The following SNX3 variants were observed in gnomAD, a reference collection of about 807,000 sequenced individuals.
The protein encoded by SNX3 is sorting nexin-3.
SNX3 carries 5 observed loss-of-function variants against 17.7 expected under a neutral mutation model. The observed-to-expected ratio is 0.28, with a 90% CI of 0.15 to 0.59. The LOEUF (loss-of-function observed/expected upper bound fraction) is 0.59. Among genes scored for constraint, SNX3 ranks in the 20% least tolerant of loss-of-function variants. The pLI, the probability that SNX3 is intolerant of heterozygous loss-of-function variation, is 0.88. For missense variants in SNX3, 132 were observed against 206.8 expected, an observed-to-expected ratio of 0.64 and a Z score of 2.22; for synonymous variants, 91 against 76.5, an observed-to-expected ratio of 1.19 and a Z score of -0.99.
chr6:108,216,678 A>C (rs980408831), intron 2 of SNX3, among the ~76,000 whole-genome samples: 1 of 152,226 alleles, frequency 6.6e-6, no homozygotes. Flanking sequence ...ATATTCAAAA[A>C]AATTAAAACT....
At chr6:108,226,046 CAAA>C (rs35559458) in intron 1 of SNX3, among the ~76,000 whole-genome samples, 18 of 63,224 alleles carry the variant, frequency 2.8e-4, no homozygotes, top group Admixed American at 8.6e-4. Flanking sequence ...CCCTCTCTCT[CAAA>C]AAAAAAAAAA....
At chr6:108,249,303 T>C (rs1323769311) in intron 1 of SNX3, among the ~76,000 whole-genome samples, 4 of 152,160 alleles carry the variant, frequency 2.6e-5, no homozygotes, top group Non-Finnish European at 4.4e-5. Flanking sequence ...GTGCCTGTAA[T>C]CCCAGCTACT....
intron 1 of SNX3, among the ~76,000 whole-genome samples, chr6:108,242,455 A>G (rs945999722): frequency 2.6e-5 from 4 of 152,202 alleles, no homozygotes; most frequent in African/African-American, 9.6e-5. Flanking sequence ...GACCCATAAT[A>G]AGATTAACAG....
intron 1 of SNX3, among the ~76,000 whole-genome samples, chr6:108,235,705 G>A (rs1409528870): frequency 6.6e-6 from 1 of 152,118 alleles, no homozygotes; most frequent in Non-Finnish European, 1.5e-5. Context: ...CGACTAGCCT[G>A]CCCAATATGG....
intron 1 of SNX3, among the ~76,000 whole-genome samples, chr6:108,240,236 GAGA>G (rs912897583): frequency 1.2e-4 from 19 of 152,236 alleles, no homozygotes; most frequent in African/African-American, 3.6e-4. Flanking sequence ...TTTTGTTTTT[GAGA>G]AGGAGTCTCG....
rs1321425220 is a variant in SNX3 at position 108,222,971 on chromosome 6, A to G, written c.237T>C (p.Ser79=). 2.5e-6 allele frequency: 4 copies of G among 1,602,896 alleles called. No homozygotes were observed. The East Asian group carries it at 8.9e-5, about 36-fold the overall frequency. Residue 79 remains serine (S), a synonymous_variant, in exon 2 of 4, where the codon AGT becomes AGC. Transcript: ENST00000230085. ...TTACCTTGCTCTCTCTTTCTAATTC[A>G]CTTCGCAGCCATTCAAAGTCACTGT... is the stretch of plus-strand genomic sequence containing the variant. ...RRYSDFEWLR[S]ELERESKVVV... is the part of the protein sequence containing the mutation.
rs541438205 is a variant in SNX3 at position 108,211,435 on chromosome 6, T to C, written c.*714A>G. On this transcript the variant is annotated 3_prime_UTR_variant, in exon 4 of 4. Coordinates refer to ENST00000230085, the MANE Select transcript of SNX3 (RefSeq NM_003795.6). The stretch of plus-strand genomic sequence containing the variant: ...GTTACAGGAATGAGAAGTATATAAT[T>C]AGTAAATAATCCCTCTCAACAAGTG... The C allele has an allele frequency of 1.1e-4, 17 of 152,424 alleles. No individual in the cohort carries two copies. The highest frequency in any genetic ancestry group is 3.1e-4 in the African/African-American group (13 of 41,574). 9.4% of individuals were successfully genotyped at this position (152,424 alleles called of 1,614,324 possible). A position where few individuals can be genotyped will look rare whatever the true frequency, so the allele number is the denominator to read the frequency against.
In SNX3 at chr6:108,231,073, C is replaced by T. The variant is rs145939346; in HGVS notation, c.163-8028G>A. Among the ~76,000 whole-genome samples, 140 of 151,072 alleles carry T rather than the reference C, an allele frequency of 9.3e-4. 1 individual carries two copies. Among genetic ancestry groups the T allele is most frequent in the Non-Finnish European group, 1.6e-3 (110 of 67,874 alleles). On this transcript the variant is annotated intron_variant, in intron 1 of 3. Coordinates refer to ENST00000230085, the MANE Select transcript of SNX3 (RefSeq NM_003795.6). ...AGGCAACATCCTAGCGCGCTACAGG[C>T]ACTTGGGCTGGAGGGATCCTCCCAC...
At chr6:108,257,044 G>A (rs912819393) in intron 1 of SNX3, among the ~76,000 whole-genome samples, 2 of 152,174 alleles carry the variant, frequency 1.3e-5, no homozygotes, top group African/African-American at 4.8e-5. Flanking sequence ...GTGAATTAGA[G>A]TAATTTCAAT....
rs1363822685 is a variant in SNX3, at chr6:108,212,214, G to A, written c.424C>T (p.His142Tyr). 6.2e-7 allele frequency: 1 copy of A among 1,611,424 alleles called. No individual in the cohort carries two copies. Among genetic ancestry groups the A allele is most frequent in the Admixed American group, 1.7e-5 (1 of 59,358 alleles). The change falls in exon 4 of 4, where the codon CAC becomes TAC. Residue 142 changes from histidine to tyrosine, a missense_variant. Physicochemically the swap from His to Tyr is moderately conservative, Grantham distance 83 (BLOSUM62 2). This residue lies in a region of SNX3 where 54 missense variants were observed against 118.0 expected (regional missense o/e 0.46). Coordinates refer to ENST00000230085, the MANE Select transcript of SNX3 (RefSeq NM_003795.6). ...ATTATTTCATCTTGTAAAAACATGTGAAGACAACGTTCGTTCTGTGCCAGA... is the reference window on the plus strand; with the variant it reads ...ATTATTTCATCTTGTAAAAACATGTAAAGACAACGTTCGTTCTGTGCCAGA... ...HPLAQNERCLHMFLQDEIIDK... is the reference protein window; with the variant it reads ...HPLAQNERCLYMFLQDEIIDK...
At chr6:108,245,478 G>C (rs148444438) in intron 1 of SNX3, among the ~76,000 whole-genome samples, 10 of 152,272 alleles carry the variant, frequency 6.6e-5, no homozygotes, top group African/African-American at 2.2e-4. Context: ...TCCAGTAATG[G>C]GATTGCTGGG....
At chr6:108,246,299 G>C (rs1258667477) in intron 1 of SNX3, among the ~76,000 whole-genome samples, 1 of 133,652 alleles carries the variant, frequency 7.5e-6, no homozygotes, top group Admixed American at 7.6e-5. Flanking sequence ...ATTCTTAAAA[G>C]AGCTTTGAGC....
At chr6:108,225,662 C>T (rs1005914479) in intron 1 of SNX3, among the ~76,000 whole-genome samples, 1 of 151,682 alleles carries the variant, frequency 6.6e-6, no homozygotes, top group Non-Finnish European at 1.5e-5. Flanking sequence ...AAGATGCTAC[C>T]AAATCCAATA....
At chr6:108,249,495 T>C (rs115172097) in intron 1 of SNX3, among the ~76,000 whole-genome samples, 4,784 of 152,272 alleles carry the variant, frequency 0.031, 199 homozygotes, top group South Asian at 0.092. Flanking sequence ...CTAGAACAGA[T>C]TGCAGTCAAT....
rs546404484 is a variant in SNX3, at chr6:108,222,823, G to A, written c.258+127C>T. The A allele has an allele frequency of 1.4e-4, 96 of 685,456 alleles. 3 individuals are homozygous for A. In the South Asian group the frequency reaches 1.6e-3, roughly 11 times the overall value. The allele number at this position is 685,456 out of a possible 1,614,324, so 42.5% of individuals were successfully genotyped here. On this transcript the variant is annotated intron_variant, in intron 2 of 3. Coordinates refer to ENST00000230085, the MANE Select transcript of SNX3 (RefSeq NM_003795.6). Reference sequence around the variant, plus strand: ...GACTCTACCTCTATAAAATGACACTGAACTATTTGAAAAAAAGAAATCATA... The same window carrying A: ...GACTCTACCTCTATAAAATGACACTAAACTATTTGAAAAAAAGAAATCATA...
chr6:108,220,631 C>A (rs35413094), intron 2 of SNX3, among the ~76,000 whole-genome samples: 434 of 152,212 alleles, frequency 2.9e-3, no homozygotes, highest in Middle Eastern at 0.014. Context: ...AATGTATTCT[C>A]ATCATTAAGT....
intron 1 of SNX3, chr6:108,252,466 C>T (rs185554499): frequency 6.6e-6 from 1 of 152,352 alleles, no homozygotes; most frequent in Non-Finnish European, 1.5e-5. Flanking sequence ...GGGGTTGGGC[C>T]TGGTTAGTAC....
chr6:108,236,651 G>A (rs574836979), intron 1 of SNX3, among the ~76,000 whole-genome samples: 4 of 151,914 alleles, frequency 2.6e-5, no homozygotes, highest in Admixed American at 6.6e-5. Flanking sequence ...GCCTCCCAAA[G>A]TGCTGGGATT....
intron 2 of SNX3, among the ~76,000 whole-genome samples, chr6:108,217,058 G>GT (rs1421413176): frequency 2.0e-5 from 3 of 151,222 alleles, no homozygotes; most frequent in African/African-American, 7.3e-5. Context: ...AAAAATATCT[G>GT]TATCTACACA....
Sources: gnomAD v4.1 joint callset for allele counts (sites outside exome capture counted in the v4.1 genomes callset) on GRCh38, gnomAD v4.1.1 for gene constraint, gnomAD v4.1.1 regional missense constraint, MANE v1.5 for transcripts, NCBI Gene and HGNC (gene_info 2026-07-23, HGNC 2026-07-21) for gene names.